The following RCAN2 variants were observed in gnomAD, a reference collection of about 807,000 sequenced individuals.
RCAN2 encodes regulator of calcineurin 2.
RCAN2 carries 9 observed loss-of-function variants against 23.6 expected under a neutral mutation model. The ratio of observed to expected loss-of-function variants is 0.38; its 90% confidence interval spans 0.23 to 0.67. RCAN2 has a LOEUF of 0.67. Among genes scored for constraint, RCAN2 ranks in the 30% least tolerant of loss-of-function variants. RCAN2 has a pLI of 0.51. For synonymous variants in RCAN2, 109 were observed against 115.7 expected, an observed-to-expected ratio of 0.94 and a Z score of 0.37; for missense variants, 273 against 302.3, an observed-to-expected ratio of 0.90 and a Z score of 0.72.
chr6:46,347,636 T>C (rs1268973260), intron 2 of RCAN2, among the ~76,000 whole-genome samples: 1 of 152,226 alleles, frequency 6.6e-6, no homozygotes, highest in Non-Finnish European at 1.5e-5. Context: ...TTACCTTGTT[T>C]TTTAAAATAT....
At chr6:46,291,143 C>T (rs1387797940) in intron 2 of RCAN2, among the ~76,000 whole-genome samples, 1 of 152,054 alleles carries the variant, frequency 6.6e-6, no homozygotes. Context: ...GGGAAGCTTC[C>T]GTGATGAAAT....
intron 2 of RCAN2, among the ~76,000 whole-genome samples, chr6:46,421,590 C>T (rs1373715985): frequency 1.3e-5 from 2 of 152,200 alleles, no homozygotes; most frequent in Non-Finnish European, 2.9e-5. Context: ...ACTTTTAATA[C>T]CCACTGCCAA....
intron 2 of RCAN2, among the ~76,000 whole-genome samples, chr6:46,324,509 T>C (rs544870916): frequency 3.3e-5 from 5 of 152,314 alleles, no homozygotes; most frequent in African/African-American, 1.2e-4. Context: ...CACCTTTTAT[T>C]CCTCCCACCA....
intron 3 of RCAN2, 35 bp downstream of exon 3, chr6:46,248,688 G>A: frequency 6.7e-7 from 1 of 1,500,006 alleles, no homozygotes; most frequent in Non-Finnish European, 9.0e-7. Flanking sequence ...ATAATGTAGG[G>A]CAAAAAGAAT....
At chr6:46,245,530 C>T (rs375118288) in intron 4 of RCAN2, among the ~76,000 whole-genome samples, 3 of 152,000 alleles carry the variant, frequency 2.0e-5, no homozygotes, top group African/African-American at 7.2e-5. Context: ...CAGGTTTTGG[C>T]GTATACAAGG....
At chr6:46,356,835 C>T (rs1240051549) in intron 2 of RCAN2, among the ~76,000 whole-genome samples, 1 of 152,204 alleles carries the variant, frequency 6.6e-6, no homozygotes, top group African/African-American at 2.4e-5. Flanking sequence ...ACTGCCCTGT[C>T]AGATGAACAT....
Position 46,246,935 on chromosome 6 carries a change from G to C in RCAN2, c.400-16C>G. The C allele has an allele frequency of 6.7e-7, 1 of 1,498,616 alleles. No individual in the cohort carries two copies. The allele number at this position is 1,498,616 out of a possible 1,614,324, so 92.8% of individuals were successfully genotyped here. A position where few individuals can be genotyped will look rare whatever the true frequency, so the allele number is the denominator to read the frequency against. ...GAGTCTGAACCTTTCAAATAGAGTA[G>C]AGATGAAGAAACTTATTCATCATGG... On this transcript the variant is annotated splice_polypyrimidine_tract_variant and intron_variant, in intron 3 of 4. Coordinates refer to ENST00000371374, the MANE Select transcript of RCAN2 (RefSeq NM_001251974.2).
At chr6:46,248,683 G>A (rs760788709) in intron 3 of RCAN2, 40 bp downstream of exon 3, 2 of 1,474,184 alleles carry the variant, frequency 1.4e-6, no homozygotes, top group Non-Finnish European at 1.8e-6. Flanking sequence ...AAAAAATAAT[G>A]TAGGGCAAAA....
chr6:46,392,011 G>A (rs561054471), intron 2 of RCAN2, among the ~76,000 whole-genome samples: 42 of 152,330 alleles, frequency 2.8e-4, no homozygotes, highest in South Asian at 6.2e-4. Flanking sequence ...AAGTTTTGCC[G>A]AATGGTGGAG....
At chr6:46,391,389 C>T (rs571296329) in intron 2 of RCAN2, among the ~76,000 whole-genome samples, 95 of 152,168 alleles carry the variant, frequency 6.2e-4, no homozygotes, top group South Asian at 3.7e-3. Flanking sequence ...GGCAGGGGGG[C>T]AGGGCTAAAA....
chr6:46,234,935 T>A (rs918562155), intron 4 of RCAN2, among the ~76,000 whole-genome samples: 3 of 151,694 alleles, frequency 2.0e-5, no homozygotes, highest in African/African-American at 7.3e-5. Flanking sequence ...GGAGGGTGAG[T>A]CCCTGTGCTG....
intron 2 of RCAN2, among the ~76,000 whole-genome samples, chr6:46,368,196 C>T (rs1043010635): frequency 6.6e-6 from 1 of 152,188 alleles, no homozygotes; most frequent in Non-Finnish European, 1.5e-5. Context: ...TGTACAAAAA[C>T]AGGCAGTTGG....
Position 46,340,645 on chromosome 6 carries a change from A to AT in RCAN2, c.226-91750dup, listed in dbSNP as rs370573673. On this transcript the variant is annotated intron_variant, in intron 2 of 4. Transcript: ENST00000371374. ...TTCCTTCAACCCCCTCTTCTATCACATTGTGATGGGGTATTACAGGAGTGG... is the reference window on the plus strand; with the variant it reads ...TTCCTTCAACCCCCTCTTCTATCACATTTGTGATGGGGTATTACAGGAGTGG... Among the ~76,000 whole-genome samples, 129 of 152,270 alleles carry AT rather than the reference A, an allele frequency of 8.5e-4. 2 individuals are homozygous for AT. Among genetic ancestry groups the AT allele is most frequent in the African/African-American group, 2.9e-3 (120 of 41,566 alleles).
intron 2 of RCAN2, among the ~76,000 whole-genome samples, chr6:46,263,582 G>A (rs1243742979): frequency 7.3e-6 from 1 of 136,126 alleles, no homozygotes; most frequent in African/African-American, 2.7e-5. Flanking sequence ...TGTTAGTATA[G>A]GGGGGTGGTC....
chr6:46,269,784 G>A (rs569211588), intron 2 of RCAN2, among the ~76,000 whole-genome samples: 20 of 152,296 alleles, frequency 1.3e-4, no homozygotes, highest in African/African-American at 3.6e-4. Flanking sequence ...TGGGCAGAGG[G>A]AGGACTTGAA....
chr6:46,257,637 C>T (rs1475431502), intron 2 of RCAN2, among the ~76,000 whole-genome samples: 1 of 152,030 alleles, frequency 6.6e-6, no homozygotes. Context: ...GAAAACTGTC[C>T]CCATGATCCA....
chr6:46,449,038 G>A (rs1417221895), intron 2 of RCAN2, among the ~76,000 whole-genome samples: 2 of 151,800 alleles, frequency 1.3e-5, no homozygotes, highest in Non-Finnish European at 3.0e-5. Flanking sequence ...AAGTTAAATT[G>A]TCCTTATCTG....
Position 46,222,218 on chromosome 6 carries a change from T to C in RCAN2, c.*923A>G, listed in dbSNP as rs1294715404. 10 of 380,144 alleles carry C rather than the reference T, an allele frequency of 2.6e-5. No individual in the cohort carries two copies. The highest frequency in any genetic ancestry group is 3.7e-5 in the Non-Finnish European group (8 of 214,716). 23.5% of individuals were successfully genotyped at this position (380,144 alleles called of 1,614,324 possible). Reference sequence around the variant, plus strand: ...AGTATATGAAGGCATTCATAAGCAATGCACATTATGTTTTGAAGCAGCTAA... The same window carrying C: ...AGTATATGAAGGCATTCATAAGCAACGCACATTATGTTTTGAAGCAGCTAA... On this transcript the variant is annotated 3_prime_UTR_variant, in exon 5 of 5. Transcript: ENST00000371374.
chr6:46,463,226 T>C (rs1353545977), intron 1 of RCAN2, among the ~76,000 whole-genome samples: 1 of 152,190 alleles, frequency 6.6e-6, no homozygotes, highest in Admixed American at 6.5e-5. Context: ...AAGAGACAGA[T>C]GCATGATAAG....
Sources: gnomAD v4.1 joint callset for allele counts (sites outside exome capture counted in the v4.1 genomes callset) on GRCh38, gnomAD v4.1.1 for gene constraint, MANE v1.5 for transcripts, NCBI Gene and HGNC (gene_info 2026-07-23, HGNC 2026-07-21) for gene names.